Variants in PPFIA2 observed in about 807,000 individuals in gnomAD.
The protein encoded by PPFIA2 is liprin-alpha-2.
In PPFIA2, 46 loss-of-function variants were observed where a neutral mutation model predicts 175.5. The observed-to-expected ratio is 0.26, with a 90% CI of 0.21 to 0.34. The LOEUF is 0.34. Ranked by LOEUF, PPFIA2 falls within the 10% of genes least tolerant of loss-of-function variation. The pLI, the probability that PPFIA2 is intolerant of heterozygous loss-of-function variation, is 1.00. For synonymous variants in PPFIA2, 568 were observed against 511.4 expected (o/e 1.11, Z -1.49); for missense variants, 1,179 against 1,506.1 (o/e 0.78, Z 3.60).
intron 4 of PPFIA2, among the ~76,000 whole-genome samples, chr12:81,553,491 G>A (rs2068297649): frequency 6.6e-6 from 1 of 151,982 alleles, no homozygotes; most frequent in Non-Finnish European, 1.5e-5. Context: ...ATAGCATGTG[G>A]CAGAAGTTGG....
At chr12:81,411,609 C>G (rs1315270809) in intron 7 of PPFIA2, among the ~76,000 whole-genome samples, 1 of 152,062 alleles carries the variant, frequency 6.6e-6, no homozygotes, top group Non-Finnish European at 1.5e-5. Context: ...AGCTTGAACA[C>G]TACTATGTCT....
intron 9 of PPFIA2, among the ~76,000 whole-genome samples, chr12:81,382,747 A>G (rs2038019714): frequency 6.6e-6 from 1 of 152,084 alleles, no homozygotes; most frequent in Non-Finnish European, 1.5e-5. Context: ...CTGAAGTGCT[A>G]ATTTTGAGAT....
At chr12:81,712,610 T>C (rs2078087188) in intron 3 of PPFIA2, among the ~76,000 whole-genome samples, 1 of 151,200 alleles carries the variant, frequency 6.6e-6, no homozygotes, top group African/African-American at 2.4e-5. Flanking sequence ...TCATGACTAA[T>C]GAACAGCCCA....
At chr12:81,341,300 GTAATTT>G (rs2058026359) in intron 19 of PPFIA2, 92 bp from the exon 20 acceptor site, 4 of 1,262,568 alleles carry the variant, frequency 3.2e-6, no homozygotes, top group Non-Finnish European at 4.3e-6. Context: ...AGGCTGTCGA[GTAATTT>G]TAATACAAAA....
At chr12:81,647,382 A>G (rs2066271925) in intron 4 of PPFIA2, among the ~76,000 whole-genome samples, 1 of 152,190 alleles carries the variant, frequency 6.6e-6, no homozygotes, top group Non-Finnish European at 1.5e-5. Context: ...ATGAAAAAAG[A>G]ACAAATCATA....
intron 3 of PPFIA2, among the ~76,000 whole-genome samples, chr12:81,732,103 C>T (rs1481447004): frequency 6.6e-6 from 1 of 151,454 alleles, no homozygotes; most frequent in Non-Finnish European, 1.5e-5. Flanking sequence ...TGTGTAAGGG[C>T]TCAGAAAATG....
At chr12:81,587,610 G>A (rs1278159328) in intron 4 of PPFIA2, among the ~76,000 whole-genome samples, 1 of 151,982 alleles carries the variant, frequency 6.6e-6, no homozygotes, top group African/African-American at 2.4e-5. Context: ...AATAAAAATG[G>A]TAGCAAAGTT....
chr12:81,311,956 T>C (rs1331277051), intron 22 of PPFIA2: 5 of 575,558 alleles, frequency 8.7e-6, no homozygotes, highest in Non-Finnish European at 1.5e-5. Flanking sequence ...GCCCAAAAGC[T>C]TACATAATTA....
In PPFIA2 at chr12:81,405,858, C is replaced by T. The variant is rs1475731319; in HGVS notation, c.691G>A (p.Ala231Thr). ...GACTCTGTGGATCCCTCGCTTGATG[C>T]CATTTTTCTTTGTATATGAACATTT... Reference protein sequence around the residue: ...EQNVHIQRKMASSEGSTESEH... With the variant: ...EQNVHIQRKMTSSEGSTESEH... Residue 231 changes from alanine to threonine, a missense_variant, in exon 8 of 33, where the codon GCA becomes ACA. Ala to Thr is a moderately conservative substitution (Grantham distance 58, BLOSUM62 0). This residue lies in a region of PPFIA2 where 226 missense variants were observed against 216.6 expected (regional missense o/e 1.04). Coordinates refer to ENST00000549396, the MANE Select transcript of PPFIA2 (RefSeq NM_003625.5). 5 of 1,578,996 alleles carry T rather than the reference C, an allele frequency of 3.2e-6. No homozygotes were observed. Among genetic ancestry groups the T allele is most frequent in the East Asian group, 2.3e-5 (1 of 43,740 alleles).
At position 81,676,801 on chromosome 12, in the gene PPFIA2, G is replaced by A. The variant is rs1284354111; in HGVS notation, c.293C>T (p.Ala98Val). 1 of 1,561,462 alleles carries A rather than the reference G, an allele frequency of 6.4e-7. No homozygotes were observed. The highest frequency in any genetic ancestry group is 1.2e-5 in the South Asian group (1 of 83,244). ...LTGGLAGSKGADPPEFAALTK... is the reference protein window; with the variant it reads ...LTGGLAGSKGVDPPEFAALTK... The stretch of plus-strand genomic sequence containing the variant: ...AAGAATCTAACTTACCGGTGGATCA[G>A]CCCCCTTAGAACCAGCCAGCCCTCC... The change falls in exon 4 of 33, where the codon GCT becomes GTT. Residue 98 changes from alanine to valine, a missense_variant. Around this residue, in one of 10 missense-constraint regions of PPFIA2, gnomAD observed 128 missense variants for 141.4 expected, o/e 0.91. Coordinates refer to ENST00000549396, the MANE Select transcript of PPFIA2 (RefSeq NM_003625.5).
At position 81,358,086 on chromosome 12, in the gene PPFIA2, G is replaced by A; in HGVS notation, c.1769C>T (p.Pro590Leu). Residue 590 changes from proline (P) to leucine (L), a missense_variant, in exon 16 of 33, where the codon CCA becomes CTA. Physicochemically the swap from Pro to Leu is moderately conservative, Grantham distance 98. This residue lies in a region of PPFIA2 where 186 missense variants were observed against 163.6 expected (regional missense o/e 1.14). Transcript: ENST00000549396. Reference sequence around the variant, plus strand: ...AGTTGAAGTTAAAAGATTAACCTTTGGCTCATCTCTTCGCACACCCATGCG... The same window carrying A: ...AGTTGAAGTTAAAAGATTAACCTTTAGCTCATCTCTTCGCACACCCATGCG... Reference protein sequence around the residue: ...RGRMGVRRDEPKVKSLGDHEW... With the variant: ...RGRMGVRRDELKVKSLGDHEW... The A allele has an allele frequency of 1.3e-6, 2 of 1,595,062 alleles. No homozygotes were observed. Among genetic ancestry groups the A allele is most frequent in the East Asian group, 4.5e-5 (2 of 44,414 alleles).
intron 7 of PPFIA2, among the ~76,000 whole-genome samples, chr12:81,415,489 T>C (rs1310974065): frequency 6.7e-6 from 1 of 149,924 alleles, no homozygotes; most frequent in Non-Finnish European, 1.5e-5. Flanking sequence ...AAAAAGTACA[T>C]AAATTTGGCT....
rs1382880544 is a variant in PPFIA2 at position 81,728,759 on chromosome 12, G to C, written c.249+25214C>G. On this transcript the variant is annotated intron_variant, in intron 3 of 32. Transcript: ENST00000549396. ...AAAACTGCTTTTTAGTAAAGCAGTT[G>C]AATTTGATAACCCAGAAAAAGAATT... is the stretch of plus-strand genomic sequence containing the variant. Among the ~76,000 whole-genome samples, 6 of 151,350 alleles carry C rather than the reference G, an allele frequency of 4.0e-5. No homozygotes were observed. The Admixed American group carries it at 4.0e-4, about 10-fold the overall frequency.
At chr12:81,674,513 C>A (rs2072068480) in intron 4 of PPFIA2, among the ~76,000 whole-genome samples, 1 of 151,886 alleles carries the variant, frequency 6.6e-6, no homozygotes, top group Non-Finnish European at 1.5e-5. Context: ...ACTAGAAATA[C>A]AAAAATTAGT....
chr12:81,660,423 G>A (rs1596116109), intron 4 of PPFIA2, among the ~76,000 whole-genome samples: 1 of 152,106 alleles, frequency 6.6e-6, no homozygotes, highest in African/African-American at 2.4e-5. Flanking sequence ...TAGCTGATTC[G>A]ATCAACTGGA....
intron 7 of PPFIA2, among the ~76,000 whole-genome samples, chr12:81,407,721 A>C (rs2043193708): frequency 6.6e-6 from 1 of 152,102 alleles, no homozygotes; most frequent in Admixed American, 6.6e-5. Context: ...TGTCTAAAAC[A>C]TTCTTCCTCA....
chr12:81,676,969 T>G, intron 3 of PPFIA2, 125 bp from the exon 4 acceptor site: 1 of 602,782 alleles, frequency 1.7e-6, no homozygotes, highest in Non-Finnish European at 2.7e-6. Flanking sequence ...ATTATTTTTT[T>G]GCAATCTTGG....
chr12:81,371,924 CACAA>C (rs544462650), intron 11 of PPFIA2, among the ~76,000 whole-genome samples: 1 of 142,730 alleles, frequency 7.0e-6, no homozygotes, highest in Admixed American at 8.5e-5. Context: ...CACACACACA[CACAA>C]ACACACACAC....
intron 3 of PPFIA2, among the ~76,000 whole-genome samples, chr12:81,735,127 A>G (rs2081402802): frequency 6.6e-6 from 1 of 151,794 alleles, no homozygotes; most frequent in Admixed American, 6.6e-5. Context: ...ACATGAAAAT[A>G]TGTTTTCATT....
Sources: allele counts gnomAD v4.1 joint callset (sites outside exome capture counted in the v4.1 genomes callset), GRCh38; gene constraint gnomAD v4.1.1; regional missense constraint gnomAD v4.1.1; transcripts MANE v1.5; gene names NCBI Gene and HGNC (gene_info 2026-07-23, HGNC 2026-07-21).